NCOA7: variants seen among roughly 807,000 people sequenced by gnomAD.
NCOA7 encodes the protein nuclear receptor coactivator 7, also known as 140 kDa estrogen receptor-associated protein.
In NCOA7, 45 loss-of-function variants were observed where a neutral mutation model predicts 104.3. The ratio of observed to expected loss-of-function variants is 0.43; its 90% CI spans 0.34 to 0.55. The LOEUF (loss-of-function observed/expected upper bound fraction) is 0.55. Among genes scored for constraint, NCOA7 ranks in the 20% least tolerant of loss-of-function variants. NCOA7 has a pLI of 0.02. For missense variants in NCOA7, 1,041 were observed against 1,119.7 expected, an observed-to-expected ratio of 0.93 and a Z score of 1.00; for synonymous variants, 398 against 402.3, an observed-to-expected ratio of 0.99 and a Z score of 0.13.
chr6:125,882,652 A>G (rs1583455248), intron 7 of NCOA7, 101 bp downstream of exon 7: 1 of 1,413,966 alleles, frequency 7.1e-7, no homozygotes, highest in Non-Finnish European at 9.5e-7. Context: ...GATCTTACCC[A>G]AAGTGTCAAT....
chr6:125,816,714 C>G (rs1477662053), intron 2 of NCOA7, among the ~76,000 whole-genome samples: 3 of 151,882 alleles, frequency 2.0e-5, no homozygotes, highest in Admixed American at 2.0e-4. Flanking sequence ...TAATAGATAC[C>G]CTGTATTCTT....
rs201947850 is a variant in NCOA7 at position 125,793,151 on chromosome 6, GA to G, written c.-65+2091del. 8.9e-3 allele frequency among the ~76,000 whole-genome samples: 1,352 copies of G among 152,174 alleles called. 24 individuals are homozygous for G. Among genetic ancestry groups the G allele is most frequent in the African/African-American group, 0.031 (1,293 of 41,512 alleles). ...GAACCAACAGTGGGAGGGAACTTATGAAAAAAATTAATTTGTTATGATTTAT... is the reference window on the plus strand; with the variant it reads ...GAACCAACAGTGGGAGGGAACTTATGAAAAAATTAATTTGTTATGATTTAT... On this transcript the variant is annotated intron_variant, in intron 1 of 15. Coordinates refer to ENST00000392477, the MANE Select transcript of NCOA7 (RefSeq NM_181782.5).
At chr6:125,825,174 C>CA (rs60707053) in intron 2 of NCOA7, among the ~76,000 whole-genome samples, 8,251 of 54,038 alleles carry the variant, frequency 0.15, 447 homozygotes, top group Non-Finnish European at 0.22. Flanking sequence ...CCTGTCTCTA[C>CA]AAAAAAAAAA....
At chr6:125,840,867 G>GTTTTTTTTTTTTTTTT (rs1305583308) in intron 2 of NCOA7, among the ~76,000 whole-genome samples, 3 of 50,658 alleles carry the variant, frequency 5.9e-5, no homozygotes, top group Non-Finnish European at 1.1e-4. Context: ...TTGTTTGGTT[G>GTTTTTTTTTTTTTTTT]GTTTTTTTTT....
At chr6:125,853,370 C>CT (rs935971647) in intron 2 of NCOA7, among the ~76,000 whole-genome samples, 20 of 152,266 alleles carry the variant, frequency 1.3e-4, no homozygotes, top group South Asian at 4.2e-4. Context: ...TTGACTTCCT[C>CT]TTTTTTTATT....
At chr6:125,853,466 GCTAAA>G (rs1382670289) in intron 2 of NCOA7, among the ~76,000 whole-genome samples, 1 of 152,132 alleles carries the variant, frequency 6.6e-6, no homozygotes, top group African/African-American at 2.4e-5. Context: ...TTAAAAGATA[GCTAAA>G]CTAAGAGATG....
rs368861232 is a variant in NCOA7 at position 125,820,371 on chromosome 6, T to C, written c.50+4967T>C. ...TTACATTTCTTCAGTTGTTAAATGT[T>C]GCTAAAAATAACCAACTAACAAGAT... On this transcript the variant is annotated intron_variant, in intron 2 of 15. Coordinates refer to ENST00000392477, the MANE Select transcript of NCOA7 (RefSeq NM_181782.5). Among the ~76,000 whole-genome samples, 3 of 152,342 alleles carry C rather than the reference T, an allele frequency of 2.0e-5. No individual in the cohort carries two copies. In the East Asian group the frequency reaches 5.8e-4, roughly 29 times the overall value.
intron 10 of NCOA7, among the ~76,000 whole-genome samples, chr6:125,904,816 G>A (rs1785824848): frequency 6.6e-6 from 1 of 152,190 alleles, no homozygotes; most frequent in Non-Finnish European, 1.5e-5. Context: ...ATTACAGGCA[G>A]TTAGGTGAAA....
At chr6:125,782,795 C>T (rs1475233052) in intron 1 of NCOA7, among the ~76,000 whole-genome samples, 3 of 152,224 alleles carry the variant, frequency 2.0e-5, no homozygotes. Flanking sequence ...CACCCTACAA[C>T]ACCAGAGATG....
At chr6:125,881,719 A>G (rs1010607673) in intron 6 of NCOA7, among the ~76,000 whole-genome samples, 1 of 149,778 alleles carries the variant, frequency 6.7e-6, no homozygotes, top group Non-Finnish European at 1.5e-5. Flanking sequence ...GTGTAAAAGT[A>G]TGAAGTTAAA....
chr6:125,882,715 T>A, intron 7 of NCOA7, 164 bp downstream of exon 7: 1 of 706,286 alleles, frequency 1.4e-6, no homozygotes, highest in Non-Finnish European at 2.3e-6. Context: ...CCTGGAATTT[T>A]ACTTACTGAG....
At chr6:125,903,194 A>G (rs956569239) in intron 10 of NCOA7, among the ~76,000 whole-genome samples, 2 of 152,208 alleles carry the variant, frequency 1.3e-5, no homozygotes, top group African/African-American at 4.8e-5. Flanking sequence ...AATCTGATTA[A>G]GGCCAAATTT....
At chr6:125,911,831 G>A (rs1390543865) in intron 10 of NCOA7, among the ~76,000 whole-genome samples, 4 of 152,098 alleles carry the variant, frequency 2.6e-5, no homozygotes, top group Non-Finnish European at 4.4e-5. Context: ...CCATGCTCCC[G>A]TTCCATGGTC....
intron 2 of NCOA7, among the ~76,000 whole-genome samples, chr6:125,824,719 A>G (rs1283187760): frequency 6.6e-6 from 1 of 152,148 alleles, no homozygotes; most frequent in African/African-American, 2.4e-5. Flanking sequence ...TTCCAGGGAA[A>G]GAAAAGTGAT....
intron 2 of NCOA7, among the ~76,000 whole-genome samples, chr6:125,852,023 T>C (rs1781174268): frequency 6.6e-6 from 1 of 152,160 alleles, no homozygotes; most frequent in African/African-American, 2.4e-5. Context: ...AGTTTGTAAA[T>C]ATTTTCTCCC....
intron 11 of NCOA7, 88 bp downstream of exon 11, chr6:125,915,568 G>C: frequency 6.6e-7 from 1 of 1,505,044 alleles, no homozygotes; most frequent in Middle Eastern, 2.0e-4. Flanking sequence ...AGGCTGGTAA[G>C]AAACTAGAGT....
At chr6:125,783,336 G>A (rs1323466691) in intron 1 of NCOA7, among the ~76,000 whole-genome samples, 1 of 152,212 alleles carries the variant, frequency 6.6e-6, no homozygotes, top group Non-Finnish European at 1.5e-5. Flanking sequence ...CTTTGAGACT[G>A]TAGACCATTC....
intron 2 of NCOA7, among the ~76,000 whole-genome samples, chr6:125,847,640 T>C (rs965805755): frequency 5.3e-5 from 8 of 152,184 alleles, no homozygotes; most frequent in Non-Finnish European, 1.0e-4. Flanking sequence ...TTACACCTTA[T>C]ACAAAAATTA....
At chr6:125,845,184 C>G (rs1425606385) in intron 2 of NCOA7, among the ~76,000 whole-genome samples, 1 of 152,020 alleles carries the variant, frequency 6.6e-6, no homozygotes, top group Non-Finnish European at 1.5e-5. Context: ...AAGGTCAGAA[C>G]AATGCAATGA....
Sources: allele counts gnomAD v4.1 joint callset (sites outside exome capture counted in the v4.1 genomes callset), GRCh38; gene constraint gnomAD v4.1.1; transcripts MANE v1.5; gene names NCBI Gene and HGNC (gene_info 2026-07-23, HGNC 2026-07-21).